Variants in HCN1 observed in about 807,000 individuals in gnomAD.
HCN1 encodes potassium/sodium hyperpolarization-activated cyclic nucleotide-gated channel 1.
In HCN1, 13 loss-of-function variants were observed where a neutral mutation model predicts 78.9. The observed-to-expected ratio is 0.16, with a 90% CI of 0.11 to 0.26. HCN1 has a LOEUF of 0.26. Among genes scored for constraint, HCN1 ranks in the 10% least tolerant of loss-of-function variants. The pLI is 1.00. For missense variants in HCN1, 810 were observed against 1,154.3 expected, an observed-to-expected ratio of 0.70 and a Z score of 4.32; for synonymous variants, 552 against 455.5, an observed-to-expected ratio of 1.21 and a Z score of -2.70.
At chr5:45,270,001 C>T (rs1481239852) in intron 6 of HCN1, among the ~76,000 whole-genome samples, 1 of 152,176 alleles carries the variant, frequency 6.6e-6, no homozygotes, top group Non-Finnish European at 1.5e-5. Flanking sequence ...ACTGGTTTAT[C>T]CAATACATTA....
chr5:45,341,967 AT>A, intron 5 of HCN1, among the ~76,000 whole-genome samples: 1 of 152,016 alleles, frequency 6.6e-6, no homozygotes, highest in Non-Finnish European at 1.5e-5. Flanking sequence ...TGTTTGACTT[AT>A]TTTTGTTTCC....
intron 6 of HCN1, among the ~76,000 whole-genome samples, chr5:45,269,437 C>CT (rs1348686440): frequency 4.6e-5 from 7 of 151,788 alleles, no homozygotes; most frequent in African/African-American, 1.2e-4. Flanking sequence ...TGTTTTGTCT[C>CT]TTTTTCTAGG....
chr5:45,395,270 C>A (rs1034052902), intron 4 of HCN1, among the ~76,000 whole-genome samples: 1 of 152,070 alleles, frequency 6.6e-6, no homozygotes, highest in East Asian at 1.9e-4. Context: ...TATCTTAAAT[C>A]TCCATAAAAT....
intron 1 of HCN1, among the ~76,000 whole-genome samples, chr5:45,684,490 A>G (rs888986358): frequency 5.3e-5 from 8 of 152,192 alleles, no homozygotes; most frequent in African/African-American, 1.9e-4. Context: ...AAAAGAGACA[A>G]CTTTTAAAAA....
chr5:45,524,412 C>A (rs1427225202), intron 2 of HCN1, among the ~76,000 whole-genome samples: 2 of 152,038 alleles, frequency 1.3e-5, no homozygotes, highest in Admixed American at 1.3e-4. Flanking sequence ...TCATTGGTAG[C>A]TTGATGGGGA....
chr5:45,595,429 C>T (rs71616300), intron 2 of HCN1, among the ~76,000 whole-genome samples: 9,215 of 152,214 alleles, frequency 0.061, 380 homozygotes, highest in East Asian at 0.18. Flanking sequence ...CTTCCACCTC[C>T]TGGGTTCAAG....
At chr5:45,480,904 T>C (rs946541622) in intron 2 of HCN1, among the ~76,000 whole-genome samples, 1 of 152,170 alleles carries the variant, frequency 6.6e-6, no homozygotes, top group African/African-American at 2.4e-5. Context: ...AACTAGCATC[T>C]TTCAAACACT....
intron 5 of HCN1, among the ~76,000 whole-genome samples, chr5:45,312,941 C>A (rs1307785224): frequency 6.6e-6 from 1 of 152,168 alleles, no homozygotes; most frequent in African/African-American, 2.4e-5. Flanking sequence ...CCTCTGGGGG[C>A]AGGGCATAGC....
At chr5:45,321,920 TC>T (rs1342088295) in intron 5 of HCN1, among the ~76,000 whole-genome samples, 2 of 151,884 alleles carry the variant, frequency 1.3e-5, no homozygotes, top group Non-Finnish European at 2.9e-5. Flanking sequence ...AACTTTATCT[TC>T]AATTATATAC....
intron 4 of HCN1, among the ~76,000 whole-genome samples, chr5:45,360,949 C>T (rs1043566432): frequency 6.6e-6 from 1 of 152,022 alleles, no homozygotes; most frequent in Non-Finnish European, 1.5e-5. Context: ...ATTTAGCTCT[C>T]AAGATATGCA....
chr5:45,515,027 TATG>T (rs1023054987), intron 2 of HCN1, among the ~76,000 whole-genome samples: 20 of 151,994 alleles, frequency 1.3e-4, no homozygotes, highest in Admixed American at 1.1e-3. Context: ...TCTTAATTAT[TATG>T]ATAATTTAGA....
At chr5:45,474,806 A>G (rs1200482100) in intron 2 of HCN1, among the ~76,000 whole-genome samples, 1 of 151,970 alleles carries the variant, frequency 6.6e-6, no homozygotes, top group Non-Finnish European at 1.5e-5. Flanking sequence ...GGGAAGGATC[A>G]TACCTTAATG....
intron 5 of HCN1, among the ~76,000 whole-genome samples, chr5:45,312,562 G>A (rs1745873091): frequency 6.6e-6 from 1 of 152,190 alleles, no homozygotes; most frequent in African/African-American, 2.4e-5. Flanking sequence ...CTGAAGCAGG[G>A]CGAGGCATAG....
Position 45,350,165 on chromosome 5 carries a change from G to A in HCN1, c.1377+2935C>T, listed in dbSNP as rs534538873. Reference sequence around the variant, plus strand: ...ACCGAATCCAGCAGCACATCTAAAAGGTTATCCACCGCGATCAAGTGGGCT... The same window carrying A: ...ACCGAATCCAGCAGCACATCTAAAAAGTTATCCACCGCGATCAAGTGGGCT... On this transcript the variant is annotated intron_variant, in intron 5 of 7. Coordinates refer to ENST00000303230, the MANE Select transcript of HCN1 (RefSeq NM_021072.4). Among the ~76,000 whole-genome samples, 194 of 152,168 alleles carry A rather than the reference G, an allele frequency of 1.3e-3. 2 individuals carry two copies. The highest frequency in any genetic ancestry group is 5.0e-3 in the Admixed American group (77 of 15,286).
At chr5:45,428,505 T>C (rs1358301521) in intron 3 of HCN1, among the ~76,000 whole-genome samples, 1 of 152,134 alleles carries the variant, frequency 6.6e-6, no homozygotes, top group Non-Finnish European at 1.5e-5. Flanking sequence ...TGTGTACTCA[T>C]AAATTTGTAA....
chr5:45,494,299 G>T (rs997890875), intron 2 of HCN1, among the ~76,000 whole-genome samples: 3 of 152,156 alleles, frequency 2.0e-5, no homozygotes, highest in Non-Finnish European at 2.9e-5. Context: ...CATTCTAACT[G>T]GTATGAGATG....
chr5:45,260,613 T>C lies in HCN1; in HGVS notation c.*1308A>G, dbSNP rs985372974. 14 of 152,606 alleles carry C rather than the reference T, an allele frequency of 9.2e-5. No individual in the cohort carries two copies. In the South Asian group the frequency reaches 1.0e-3, roughly 11 times the overall value. The allele number at this position is 152,606 out of a possible 1,614,324, so 9.5% of individuals were successfully genotyped here. A position where few individuals can be genotyped will look rare whatever the true frequency, so the allele number is the denominator to read the frequency against. On this transcript the variant is annotated 3_prime_UTR_variant, in exon 8 of 8. Transcript: ENST00000303230. ...GTTCCCAAACAGACGTGATGCTGTA[T>C]TGAATTTATTTCTTTAAATTAATAC...
rs528162558 is a variant in HCN1, at chr5:45,447,573, C to T, written c.1011+14273G>A. 7.2e-5 allele frequency among the ~76,000 whole-genome samples: 11 copies of T among 152,226 alleles called. No individual in the cohort carries two copies. The East Asian group carries it at 1.2e-3, about 16-fold the overall frequency. On this transcript the variant is annotated intron_variant, in intron 3 of 7. Coordinates refer to ENST00000303230, the MANE Select transcript of HCN1 (RefSeq NM_021072.4). ...ATTATTAATATGTTGAAAATAACTC[C>T]GATCTGAAGACAGGATCCTAAAGAT...
At chr5:45,549,524 G>T (rs938889831) in intron 2 of HCN1, among the ~76,000 whole-genome samples, 1 of 152,078 alleles carries the variant, frequency 6.6e-6, no homozygotes, top group African/African-American at 2.4e-5. Flanking sequence ...TCAAATGTTA[G>T]ACCTAAAACC....
Sources: gnomAD v4.1 joint callset for allele counts (sites outside exome capture counted in the v4.1 genomes callset) on GRCh38, gnomAD v4.1.1 for gene constraint, MANE v1.5 for transcripts, NCBI Gene and HGNC (gene_info 2026-07-23, HGNC 2026-07-21) for gene names.